The following SLA variants were observed in gnomAD, a reference collection of about 807,000 sequenced individuals.
The protein encoded by SLA is src-like-adapter.
A neutral mutation model predicts 30.3 loss-of-function variants in SLA; 16 were observed. The observed-to-expected ratio is 0.53, with a 90% CI of 0.36 to 0.80. The LOEUF (loss-of-function observed/expected upper bound fraction) is 0.80. SLA is among the 30% of genes least tolerant of loss of function. SLA has a pLI of 0.01. For missense variants in SLA, 310 were observed against 345.2 expected (o/e 0.90, Z 0.81); for synonymous variants, 143 against 137.8 (o/e 1.04, Z -0.26).
chr8:133,050,986 G>A, intron 3 of SLA, 71 bp from the exon 4 acceptor site: 1 of 839,510 alleles, frequency 1.2e-6, no homozygotes, highest in Non-Finnish European at 2.0e-6. Flanking sequence ...AGGTAGGCTT[G>A]GGAGGGAGGG....
chr8:133,082,752 T>A (rs1312991602), intron 1 of SLA, among the ~76,000 whole-genome samples: 1 of 152,260 alleles, frequency 6.6e-6, no homozygotes, highest in East Asian at 1.9e-4. Flanking sequence ...GTAACAGCAT[T>A]ATGATGACTT....
intron 2 of SLA, among the ~76,000 whole-genome samples, chr8:133,071,119 T>G (rs2741208): frequency 0.6 from 91,189 of 152,056 alleles, 27,744 homozygotes; most frequent in East Asian, 0.79. Context: ...ATTGGTGCCG[T>G]CCCTTGATGA....
At chr8:133,074,679 G>C (rs561385880) in intron 2 of SLA, among the ~76,000 whole-genome samples, 174 bp downstream of exon 2, 1 of 152,298 alleles carries the variant, frequency 6.6e-6, no homozygotes, top group African/African-American at 2.4e-5. Flanking sequence ...CACCCACTGA[G>C]CCACTGCAGT....
chr8:133,100,668 C>T (rs907829818), intron 1 of SLA, among the ~76,000 whole-genome samples: 5 of 152,162 alleles, frequency 3.3e-5, no homozygotes, highest in African/African-American at 7.2e-5. Flanking sequence ...CTTCCCATGA[C>T]GTCACTCTGG....
intron 1 of SLA, among the ~76,000 whole-genome samples, chr8:133,098,414 C>A (rs144881300): frequency 6.6e-6 from 1 of 152,208 alleles, no homozygotes; most frequent in Non-Finnish European, 1.5e-5. Context: ...TAAACACTGT[C>A]CGCCCTGGAG....
At chr8:133,099,747 C>T (rs1432884182) in intron 1 of SLA, among the ~76,000 whole-genome samples, 2 of 152,202 alleles carry the variant, frequency 1.3e-5, no homozygotes, top group Admixed American at 6.5e-5. Context: ...TGACACTGCT[C>T]TCTCATACCC....
chr8:133,089,601 C>T (rs561188578), intron 1 of SLA, among the ~76,000 whole-genome samples: 3 of 152,196 alleles, frequency 2.0e-5, no homozygotes, highest in Admixed American at 1.3e-4. Context: ...TCTCACTACA[C>T]TTCTATGGAA....
In SLA at chr8:133,063,290, C is replaced by T. The variant is rs542088678; in HGVS notation, c.-40-3090G>A. On this transcript the variant is annotated intron_variant, in intron 2 of 8. Coordinates refer to ENST00000338087, the MANE Select transcript of SLA (RefSeq NM_001045556.3). ...CCCAGCCCTGCCAGCCTTCCCTCCC[C>T]TCCATCCCCTCCCCCAAGCTGCTTC... is the stretch of plus-strand genomic sequence containing the variant. 8.0e-4 allele frequency among the ~76,000 whole-genome samples: 121 copies of T among 151,944 alleles called. 1 individual carries two copies. The highest frequency in any genetic ancestry group is 2.8e-3 in the African/African-American group (117 of 41,434).
chr8:133,064,986 A>T (rs1048303384), intron 2 of SLA, among the ~76,000 whole-genome samples: 1 of 152,224 alleles, frequency 6.6e-6, no homozygotes, highest in Non-Finnish European at 1.5e-5. Context: ...GGTGACAGTT[A>T]GAATTAATTT....
At chr8:133,072,797 G>A (rs1469062949) in intron 2 of SLA, 1 of 152,050 alleles carries the variant, frequency 6.6e-6, no homozygotes, top group African/African-American at 2.4e-5. Context: ...AGTGTTATTC[G>A]GAAAGCGACT....
chr8:133,047,982 A>G, intron 5 of SLA, 49 bp from the exon 6 acceptor site: 3 of 1,139,462 alleles, frequency 2.6e-6, no homozygotes, highest in Non-Finnish European at 3.9e-6. Flanking sequence ...GCCCTCCCCC[A>G]GGAAAGGCAG....
chr8:133,074,839 T>TC lies in SLA; in HGVS notation c.-41+13_-41+14insG. On this transcript the variant is annotated intron_variant, in intron 2 of 8. Coordinates refer to ENST00000338087, the MANE Select transcript of SLA (RefSeq NM_001045556.3). ...CTCTCCCCACCCCATCTCTGCCACA[T>TC]ACTCCCAAAATACCTTCACACACTG... 1.0e-6 allele frequency: 1 copy of TC among 985,064 alleles called. No homozygotes were observed. The highest frequency in any genetic ancestry group is 1.7e-5 in the African/African-American group (1 of 57,286). 61.0% of individuals were successfully genotyped at this position (985,064 alleles called of 1,614,324 possible).
chr8:133,068,781 A>C (rs1002184714), intron 2 of SLA, among the ~76,000 whole-genome samples: 10 of 152,228 alleles, frequency 6.6e-5, no homozygotes, highest in African/African-American at 2.2e-4. Flanking sequence ...CATGGAAATA[A>C]AAAGAGCCCA....
At chr8:133,085,353 C>T (rs984262622) in intron 1 of SLA, among the ~76,000 whole-genome samples, 4 of 152,122 alleles carry the variant, frequency 2.6e-5, no homozygotes, top group Admixed American at 6.6e-5. Flanking sequence ...ATAGATACAT[C>T]GGATTTCATC....
At chr8:133,091,578 G>A (rs1353144161) in intron 1 of SLA, among the ~76,000 whole-genome samples, 1 of 152,120 alleles carries the variant, frequency 6.6e-6, no homozygotes, top group African/African-American at 2.4e-5. Context: ...GTGTGTGTTT[G>A]TGTGTATGTG....
chr8:133,063,054 A>G (rs1842602637), intron 2 of SLA, among the ~76,000 whole-genome samples: 1 of 152,166 alleles, frequency 6.6e-6, no homozygotes. Flanking sequence ...GCTTCTGGGG[A>G]AAGTTCTCAA....
chr8:133,083,342 A>T lies in SLA; in HGVS notation c.-318-8212T>A, dbSNP rs73350775. Reference sequence around the variant, plus strand: ...AACAATTGCTACCACTATTTATTGTAAACTTGAAACATGTATGCACTTTAC... The same window carrying T: ...AACAATTGCTACCACTATTTATTGTTAACTTGAAACATGTATGCACTTTAC... On this transcript the variant is annotated intron_variant, in intron 1 of 8. Coordinates refer to ENST00000338087, the MANE Select transcript of SLA (RefSeq NM_001045556.3). 7.6e-3 allele frequency among the ~76,000 whole-genome samples: 1,158 copies of T among 152,334 alleles called. 21 individuals carry two copies. Among genetic ancestry groups the T allele is most frequent in the African/African-American group, 0.026 (1,062 of 41,560 alleles).
chr8:133,066,912 G>A (rs1255702477), intron 2 of SLA, among the ~76,000 whole-genome samples: 2 of 152,182 alleles, frequency 1.3e-5, no homozygotes, highest in Admixed American at 6.5e-5. Context: ...GCTTGAGCAA[G>A]TACCTTCCTC....
In SLA at chr8:133,050,805, A is replaced by C. The variant is rs1587889088; in HGVS notation, c.161+11T>G. Reference sequence around the variant, plus strand: ...TTTGAAGATTGCACAAGTTTTGGAGAGCTGACTCACTCAGAAATCACACGC... The same window carrying C: ...TTTGAAGATTGCACAAGTTTTGGAGCGCTGACTCACTCAGAAATCACACGC... On this transcript the variant is annotated intron_variant, in intron 4 of 8. Transcript: ENST00000338087. The C allele has an allele frequency of 6.4e-7, 1 of 1,553,524 alleles. No homozygotes were observed. The highest frequency in any genetic ancestry group is 2.2e-5 in the East Asian group (1 of 44,608).
Sources: gnomAD v4.1 joint callset for allele counts (sites outside exome capture counted in the v4.1 genomes callset) on GRCh38, gnomAD v4.1.1 for gene constraint, MANE v1.5 for transcripts, NCBI Gene and HGNC (gene_info 2026-07-23, HGNC 2026-07-21) for gene names.